VWA3B: variants seen among roughly 807,000 people sequenced by gnomAD.
VWA3B encodes the protein von Willebrand factor A domain-containing protein 3B.
A neutral mutation model predicts 158.3 loss-of-function variants in VWA3B; 138 were observed. That is an observed-to-expected ratio of 0.87 (90% CI 0.76 to 1.00). The LOEUF (loss-of-function observed/expected upper bound fraction) is 1.00, where lower values mean the gene tolerates loss of function less well. Among genes scored for constraint, VWA3B ranks in the 50% least tolerant of loss-of-function variants. VWA3B has a pLI of 0.00. For missense variants in VWA3B, 1,555 were observed against 1,565.1 expected, an observed-to-expected ratio of 0.99 and a Z score of 0.11; for synonymous variants, 596 against 587.3, an observed-to-expected ratio of 1.01 and a Z score of -0.21.
chr2:98,194,526 A>T, intron 12 of VWA3B, 34 bp downstream of exon 12: 3 of 1,610,012 alleles, frequency 1.9e-6, no homozygotes, highest in Non-Finnish European at 2.5e-6. Context: ...GAAGCATCCT[A>T]GGAGTCTCTC....
chr2:98,130,207 T>C (rs1191383430), intron 6 of VWA3B, among the ~76,000 whole-genome samples: 2 of 152,238 alleles, frequency 1.3e-5, no homozygotes, highest in Non-Finnish European at 2.9e-5. Flanking sequence ...AACATCTCAA[T>C]GCCTTAAAGA....
At chr2:98,218,656 G>T (rs1296373622) in intron 14 of VWA3B, among the ~76,000 whole-genome samples, 21 of 152,220 alleles carry the variant, frequency 1.4e-4, no homozygotes, top group Admixed American at 1.4e-3. Context: ...TCCAGACTTG[G>T]CCTGTGCATA....
intron 6 of VWA3B, among the ~76,000 whole-genome samples, chr2:98,133,161 C>A (rs1239858162): frequency 6.6e-6 from 1 of 152,178 alleles, no homozygotes; most frequent in Non-Finnish European, 1.5e-5. Context: ...TGTCTGTCAG[C>A]CCCCTGGGGA....
At chr2:98,109,842 C>T (rs1674003275) in intron 2 of VWA3B, among the ~76,000 whole-genome samples, 1 of 150,704 alleles carries the variant, frequency 6.6e-6, no homozygotes. Context: ...TTCTTTCTGG[C>T]CTCCATGGTT....
At chr2:98,232,901 A>G (rs1251063143) in intron 16 of VWA3B, among the ~76,000 whole-genome samples, 1 of 152,070 alleles carries the variant, frequency 6.6e-6, no homozygotes, top group Non-Finnish European at 1.5e-5. Flanking sequence ...AGCTTCCCCC[A>G]GTGTTGTCTC....
intron 9 of VWA3B, among the ~76,000 whole-genome samples, chr2:98,184,314 C>T (rs1680838180): frequency 6.6e-6 from 1 of 152,224 alleles, no homozygotes; most frequent in Non-Finnish European, 1.5e-5. Flanking sequence ...GCGGAGGTGT[C>T]CACCTCTGCC....
Position 98,125,087 on chromosome 2 carries a change from C to A in VWA3B, c.703-3152C>A, listed in dbSNP as rs899825498. ...GAGGAAGCTACTCCTGGACTGAAGG[C>A]TGCTACTGAGCCTCAGGACTGGACT... On this transcript the variant is annotated intron_variant, in intron 5 of 27. Transcript: ENST00000477737. This position sits in a 1 kb window ranked among gnomAD's most constrained non-coding sequence, Gnocchi z 4.1. Among the ~76,000 whole-genome samples the A allele has an allele frequency of 6.6e-6, 1 of 152,222 alleles. No individual in the cohort carries two copies. Among genetic ancestry groups the A allele is most frequent in the African/African-American group, 2.4e-5 (1 of 41,460 alleles).
intron 7 of VWA3B, among the ~76,000 whole-genome samples, chr2:98,153,951 T>C (rs1677846825): frequency 1.3e-5 from 2 of 152,292 alleles, no homozygotes; most frequent in Middle Eastern, 3.4e-3. Flanking sequence ...AACCTCTGCT[T>C]CCAGGGCTCA....
At position 98,162,909 on chromosome 2, in the gene VWA3B, C is replaced by T; in HGVS notation, c.1047C>T (p.Ser349=). The T allele has an allele frequency of 6.2e-7, 1 of 1,614,032 alleles. No homozygotes were observed. The highest frequency in any genetic ancestry group is 8.5e-7 in the Non-Finnish European group (1 of 1,180,048). ...LVWQEMEEAC[S]TLAQIQRLVA... is the part of the protein sequence containing the mutation. The stretch of plus-strand genomic sequence containing the variant: ...GGCAAGAGATGGAGGAAGCCTGCAG[C>T]ACGCTGGCCCAGATCCAGAGGCTGG... The change falls in exon 8 of 28, where the codon AGC becomes AGT. Residue 349 remains serine, a synonymous_variant. Transcript: ENST00000477737.
chr2:98,270,742 A>G lies in VWA3B; in HGVS notation c.2904A>G (p.Leu968=). 1 of 1,614,182 alleles carries G rather than the reference A, an allele frequency of 6.2e-7. No individual in the cohort carries two copies. Among genetic ancestry groups the G allele is most frequent in the Non-Finnish European group, 8.5e-7 (1 of 1,179,992 alleles). Residue 968 remains leucine (L), a synonymous_variant, in exon 22 of 28, where the codon TTA becomes TTG. Transcript: ENST00000477737. ...LENKTVLNQA[L]ERLNWPISLK... ...ACAAAACAGTTTTAAACCAGGCTTT[A>G]GAACGGTTGAATTGGCCCATTTCAC...
intron 12 of VWA3B, among the ~76,000 whole-genome samples, chr2:98,198,592 TA>T (rs1682260802): frequency 6.6e-6 from 1 of 152,068 alleles, no homozygotes; most frequent in East Asian, 1.9e-4. Context: ...TGGATTTTGA[TA>T]AATGCATAGA....
intron 14 of VWA3B, 147 bp downstream of exon 14, chr2:98,218,175 G>GC: frequency 1.1e-6 from 1 of 887,072 alleles, no homozygotes; most frequent in Non-Finnish European, 1.6e-6. Context: ...GAGTGTACCA[G>GC]TGTTTCTCAG....
At chr2:98,101,978 G>A (rs955766576) in intron 2 of VWA3B, among the ~76,000 whole-genome samples, 1 of 152,220 alleles carries the variant, frequency 6.6e-6, no homozygotes, top group Admixed American at 6.5e-5. Context: ...AGATAAACAC[G>A]TGAACAAAGG....
In VWA3B at chr2:98,159,867, A is replaced by G. The variant is rs539293974; in HGVS notation, c.989-2984A>G. On this transcript the variant is annotated intron_variant, in intron 7 of 27. Coordinates refer to ENST00000477737, the MANE Select transcript of VWA3B (RefSeq NM_144992.5). Reference sequence around the variant, plus strand: ...ACCCCATCTCTACTAAAAAAATACAAAAATTAGCCAGGTGTGGTGGTGATC... The same window carrying G: ...ACCCCATCTCTACTAAAAAAATACAGAAATTAGCCAGGTGTGGTGGTGATC... Among the ~76,000 whole-genome samples the G allele has an allele frequency of 2.0e-5, 3 of 151,930 alleles. No homozygotes were observed. In the East Asian group the frequency reaches 5.9e-4, roughly 30 times the overall value.
intron 11 of VWA3B, among the ~76,000 whole-genome samples, chr2:98,193,869 T>A (rs1160106386): frequency 6.6e-6 from 1 of 152,162 alleles, no homozygotes; most frequent in African/African-American, 2.4e-5. Flanking sequence ...ACTACAGGCG[T>A]GAGCCACCGT....
At position 98,214,342 on chromosome 2, in the gene VWA3B, CCTTCTCAATGA is replaced by C. The variant is rs1270189779; in HGVS notation, c.1836+2317_1836+2327del. 2.0e-5 allele frequency among the ~76,000 whole-genome samples: 3 copies of C among 152,106 alleles called. No individual in the cohort carries two copies. In the East Asian group the frequency reaches 5.8e-4, roughly 29 times the overall value. On this transcript the variant is annotated intron_variant, in intron 13 of 27. Coordinates refer to ENST00000477737, the MANE Select transcript of VWA3B (RefSeq NM_144992.5). ...GTCATCAAAAATTCTTCAGGAGCAT[CCTTCTCAATGA>C]CTGCATCACATTCTGTTATATGAAT...
chr2:98,215,102 G>T (rs35960303), intron 13 of VWA3B, among the ~76,000 whole-genome samples: 2 of 152,114 alleles, frequency 1.3e-5, no homozygotes, highest in African/African-American at 2.4e-5. Context: ...TATTTTACCA[G>T]ATTCTGAAGG....
At chr2:98,170,112 G>A (rs1309656409) in intron 8 of VWA3B, among the ~76,000 whole-genome samples, 1 of 152,152 alleles carries the variant, frequency 6.6e-6, no homozygotes, top group Admixed American at 6.5e-5. Context: ...GGGTGACAGA[G>A]CGAGACTCTG....
chr2:98,298,440 T>TGC (rs1558773859), intron 24 of VWA3B, among the ~76,000 whole-genome samples: 12 of 141,126 alleles, frequency 8.5e-5, no homozygotes, highest in Non-Finnish European at 1.5e-4. Context: ...TTCTATTCTA[T>TGC]TCTATGCCAT....
Sources: allele counts gnomAD v4.1 joint callset (sites outside exome capture counted in the v4.1 genomes callset), GRCh38; gene constraint gnomAD v4.1.1; non-coding constraint Gnocchi (gnomAD v3.1); transcripts MANE v1.5; gene names NCBI Gene and HGNC (gene_info 2026-07-23, HGNC 2026-07-21).